FBXO31: variants seen among roughly 807,000 people sequenced by gnomAD.
FBXO31 encodes F-box protein 31.
FBXO31 carries 24 observed loss-of-function variants against 54.4 expected under a neutral mutation model. That is an observed-to-expected ratio of 0.44 (90% CI 0.32 to 0.62). FBXO31 has a LOEUF of 0.62. Among genes scored for constraint, FBXO31 ranks in the 20% least tolerant of loss-of-function variants. FBXO31 has a pLI of 0.05. For synonymous variants in FBXO31, 388 were observed against 335.6 expected, an observed-to-expected ratio of 1.16 and a Z score of -1.71; for missense variants, 665 against 787.1, an observed-to-expected ratio of 0.84 and a Z score of 1.86.
chr16:87,383,321 C>A lies in FBXO31; in HGVS notation c.340+84G>T. 7.8e-7 allele frequency: 1 copy of A among 1,274,214 alleles called. No individual in the cohort carries two copies. Among genetic ancestry groups the A allele is most frequent in the Non-Finnish European group, 1.0e-6 (1 of 964,328 alleles). 78.9% of individuals were successfully genotyped at this position (1,274,214 alleles called of 1,614,324 possible). A position where few individuals can be genotyped will look rare whatever the true frequency, so the allele number is the denominator to read the frequency against. On this transcript the variant is annotated intron_variant, in intron 1 of 8. Coordinates refer to ENST00000311635, the MANE Select transcript of FBXO31 (RefSeq NM_024735.5). The surrounding 1 kb of genome is among the most constrained non-coding windows in gnomAD (Gnocchi z 4.9). ...AACTGGTGGCCCCCGGCCGGGGCCA[C>A]CGCCCCCGCCACTCCCAGCTCCGAG...
chr16:87,357,904 G>A (rs566552483), intron 2 of FBXO31, among the ~76,000 whole-genome samples: 22 of 151,306 alleles, frequency 1.5e-4, no homozygotes, highest in Non-Finnish European at 2.7e-4. Flanking sequence ...GTGACAGAGT[G>A]AGACTCTGCC....
intron 5 of FBXO31, among the ~76,000 whole-genome samples, chr16:87,337,463 A>G (rs919043711): frequency 2.0e-5 from 3 of 152,218 alleles, no homozygotes; most frequent in African/African-American, 7.2e-5. Flanking sequence ...AAAAGCAAAG[A>G]ACTGGGACAG....
upstream of FBXO31, among the ~76,000 whole-genome samples, chr16:87,384,529 C>A (rs1907258025): frequency 6.6e-6 from 1 of 152,244 alleles, no homozygotes; most frequent in Non-Finnish European, 1.5e-5. Context: ...CGCACGCCTG[C>A]TCCAGCTGGG....
chr16:87,378,021 T>C (rs1392798738), intron 1 of FBXO31, among the ~76,000 whole-genome samples: 5 of 151,900 alleles, frequency 3.3e-5, no homozygotes, highest in East Asian at 1.9e-4. Flanking sequence ...TAGCCAAGCA[T>C]GGTGGTGCAC....
rs754970927 is a variant in FBXO31, at chr16:87,331,453, G to A, written c.1455C>T (p.Pro485=). 9.3e-6 allele frequency: 15 copies of A among 1,613,424 alleles called. No homozygotes were observed. Among genetic ancestry groups the A allele is most frequent in the South Asian group, 3.3e-5 (3 of 91,032 alleles). ...CCTCATCGAAGAGGATGAAGACCCC[G>A]GGGGTGCGTTCAGGGCTGGTGAAGC... ...GHGFTSPERT[P]GVFILFDEDR... is the part of the protein sequence containing the mutation. The change falls in exon 9 of 9, where the codon CCC becomes CCT. Residue 485 remains proline, a synonymous_variant. Coordinates refer to ENST00000311635, the MANE Select transcript of FBXO31 (RefSeq NM_024735.5).
intron 1 of FBXO31, among the ~76,000 whole-genome samples, chr16:87,365,010 A>AAAATATATATATATATATATATATATAT (rs1233086176): frequency 2.1e-5 from 1 of 47,684 alleles, no homozygotes; most frequent in Non-Finnish European, 3.6e-5. Flanking sequence ...CCGTCTCTTA[A>AAAATATATATATATATATATATATATAT]ATATATATAT....
At chr16:87,386,233 A>G (rs1264723918), upstream of FBXO31, 1 of 152,166 alleles carries the variant, frequency 6.6e-6, no homozygotes, top group Non-Finnish European at 1.5e-5. Context: ...GAAATGAAAA[A>G]TGACAAGAAA....
chr16:87,344,717 A>G (rs2150675266), intron 3 of FBXO31, among the ~76,000 whole-genome samples: 1 of 152,268 alleles, frequency 6.6e-6, no homozygotes. Flanking sequence ...AAGGAAAGCA[A>G]TCTGCCCACC....
Position 87,359,144 on chromosome 16 carries a change from G to A in FBXO31, c.412+1151C>T, listed in dbSNP as rs985041235. 5.3e-5 allele frequency among the ~76,000 whole-genome samples: 8 copies of A among 152,200 alleles called. No individual in the cohort carries two copies. The South Asian group carries it at 6.2e-4, about 12-fold the overall frequency. ...TTTGGCCACTGCAGACTAACACTGC[G>A]GGGAATAAACACTGTCGGAAACAGA... On this transcript the variant is annotated intron_variant, in intron 2 of 8. Coordinates refer to ENST00000311635, the MANE Select transcript of FBXO31 (RefSeq NM_024735.5).
At chr16:87,375,690 G>A (rs1208299694) in intron 1 of FBXO31, among the ~76,000 whole-genome samples, 1 of 152,122 alleles carries the variant, frequency 6.6e-6, no homozygotes, top group African/African-American at 2.4e-5. Flanking sequence ...CAGAGGCCGA[G>A]GGCGACACAT....
At position 87,330,094 on chromosome 16, in the gene FBXO31, G is replaced by A. The variant is rs1035682066; in HGVS notation, c.*1194C>T. On this transcript the variant is annotated 3_prime_UTR_variant, in exon 9 of 9. Coordinates refer to ENST00000311635, the MANE Select transcript of FBXO31 (RefSeq NM_024735.5). ...GGGACGCCCACTCGGGCACGGAGCTGGCTGTGGGCTGGGGGAAGGGCCAGC... is the reference window on the plus strand; with the variant it reads ...GGGACGCCCACTCGGGCACGGAGCTAGCTGTGGGCTGGGGGAAGGGCCAGC... The A allele has an allele frequency of 6.6e-6, 1 of 152,436 alleles. No homozygotes were observed. Among genetic ancestry groups the A allele is most frequent in the Non-Finnish European group, 1.5e-5 (1 of 68,194 alleles). The allele number at this position is 152,436 out of a possible 1,614,324, so 9.4% of individuals were successfully genotyped here.
upstream of FBXO31, among the ~76,000 whole-genome samples, chr16:87,387,459 G>GA (rs1232394331): frequency 6.6e-6 from 1 of 152,156 alleles, no homozygotes; most frequent in African/African-American, 2.4e-5. Flanking sequence ...ATAGGGCTGG[G>GA]CATTTTCCAA....
chr16:87,335,236 C>T lies in FBXO31; in HGVS notation c.996+68G>A. ...CGGGGATCAGTGTCTGCCCAAGTTC[C>T]CTGACTCCACAGCCCACTTGGGCCA... On this transcript the variant is annotated intron_variant, in intron 7 of 8. Transcript: ENST00000311635. The surrounding 1 kb of genome is among the most constrained non-coding windows in gnomAD (Gnocchi z 5.7). 11 of 1,600,146 alleles carry T rather than the reference C, an allele frequency of 6.9e-6. 1 individual carries two copies. In the South Asian group the frequency reaches 1.2e-4, roughly 18 times the overall value.
chr16:87,333,956 C>A lies in FBXO31; in HGVS notation c.1327G>T (p.Gly443Trp). The change falls in exon 8 of 9, where the codon GGG becomes TGG. Residue 443 changes from glycine (G) to tryptophan (W), a missense_variant. Physicochemically the swap from Gly to Trp is radical, Grantham distance 184 (BLOSUM62 -2). This residue lies in a region of FBXO31 where 165 missense variants were observed against 159.7 expected (regional missense o/e 1.03). Transcript: ENST00000311635. ...CCCACGGGCAGCACGAACGGCTGCCCCTGCCCACACTGGGCAGGCTGCTCG... is the reference window on the plus strand; with the variant it reads ...CCCACGGGCAGCACGAACGGCTGCCACTGCCCACACTGGGCAGGCTGCTCG... ...AAEQPAQCGQ[G>W]QPFVLPVGVS... is the part of the protein sequence containing the mutation. The A allele has an allele frequency of 1.9e-6, 3 of 1,612,654 alleles. No homozygotes were observed. Among genetic ancestry groups the A allele is most frequent in the Non-Finnish European group, 2.5e-6 (3 of 1,179,738 alleles).
rs1597355348 is a variant in FBXO31 at position 87,330,847 on chromosome 16, TG to T, written c.*440del. 1 of 179,858 alleles carries T rather than the reference TG, an allele frequency of 5.6e-6. No individual in the cohort carries two copies. The highest frequency in any genetic ancestry group is 1.5e-4 in the East Asian group (1 of 6,534). The allele number at this position is 179,858 out of a possible 1,614,324, so 11.1% of individuals were successfully genotyped here. A position where few individuals can be genotyped will look rare whatever the true frequency, so the allele number is the denominator to read the frequency against. ...CCCCCTCCCAGAGGCCACTGTTGCC[TG>T]GCTTCCCCCAAAAGGAGTGGGGTGG... On this transcript the variant is annotated 3_prime_UTR_variant, in exon 9 of 9. Transcript: ENST00000311635.
intron 3 of FBXO31, among the ~76,000 whole-genome samples, chr16:87,344,910 C>T (rs1905315599): frequency 6.9e-6 from 1 of 144,196 alleles, no homozygotes; most frequent in Non-Finnish European, 1.5e-5. Flanking sequence ...CCCATCCCTT[C>T]CCCAAACCCC....
chr16:87,332,915 C>G (rs541481336), intron 8 of FBXO31, among the ~76,000 whole-genome samples: 157 of 152,348 alleles, frequency 1.0e-3, no homozygotes, highest in African/African-American at 3.5e-3. Flanking sequence ...ACCCTCAAAA[C>G]AGCCCCCAAG....
intron 3 of FBXO31, 52 bp from the exon 4 acceptor site, chr16:87,343,817 G>A: frequency 6.2e-7 from 1 of 1,601,284 alleles, no homozygotes; most frequent in Non-Finnish European, 8.5e-7. Context: ...GCCAGAGCAA[G>A]GGCGGCCCCG....
intron 7 of FBXO31, 145 bp from the exon 8 acceptor site, chr16:87,334,431 A>C (rs1904978059): frequency 5.5e-6 from 4 of 726,126 alleles, no homozygotes; most frequent in Non-Finnish European, 8.7e-6. Context: ...CAGAAGAAGA[A>C]GTCTCAGAAT....
Sources: gnomAD v4.1 joint callset for allele counts (sites outside exome capture counted in the v4.1 genomes callset) on GRCh38, gnomAD v4.1.1 for gene constraint, gnomAD v4.1.1 regional missense constraint, Gnocchi (gnomAD v3.1) non-coding constraint, MANE v1.5 for transcripts, NCBI Gene and HGNC (gene_info 2026-07-23, HGNC 2026-07-21) for gene names.